DLEU7: variants seen among roughly 807,000 people sequenced by gnomAD.
DLEU7 encodes the protein deleted in lymphocytic leukemia 7, also known as leukemia-associated protein 7.
A neutral mutation model predicts 16.0 loss-of-function variants in DLEU7; 17 were observed. The observed-to-expected ratio is 1.06, with a 90% CI of 0.73 to 1.59. The LOEUF is 1.59. Ranked by LOEUF, DLEU7 falls within the 40% of genes most tolerant of loss-of-function variation. The pLI is 0.00. For missense variants in DLEU7, 308 were observed against 314.9 expected (o/e 0.98, Z 0.17); for synonymous variants, 113 against 139.8 (o/e 0.81, Z 1.35).
At chr13:50,732,858 G>A (rs913932972) in intron 1 of DLEU7, among the ~76,000 whole-genome samples, 6 of 152,010 alleles carry the variant, frequency 3.9e-5, no homozygotes, top group Non-Finnish European at 8.8e-5. Context: ...CTTATGTAAG[G>A]GCCTCTTTCT....
intron 1 of DLEU7, among the ~76,000 whole-genome samples, chr13:50,824,523 T>G (rs1877019930): frequency 6.6e-6 from 1 of 152,166 alleles, no homozygotes; most frequent in Non-Finnish European, 1.5e-5. Flanking sequence ...AGCCAAAAAT[T>G]TTTTAAAGAT....
At chr13:50,775,691 G>A (rs1365144618) in intron 1 of DLEU7, among the ~76,000 whole-genome samples, 1 of 152,104 alleles carries the variant, frequency 6.6e-6, no homozygotes, top group Non-Finnish European at 1.5e-5. Flanking sequence ...TAACTTTAGT[G>A]GAAAAAAACA....
intron 1 of DLEU7, among the ~76,000 whole-genome samples, chr13:50,806,326 C>T (rs766122752): frequency 4.6e-5 from 7 of 151,926 alleles, no homozygotes; most frequent in Non-Finnish European, 7.4e-5. Context: ...TTATTTTCAT[C>T]TTTGGTTGGT....
intron 1 of DLEU7, among the ~76,000 whole-genome samples, chr13:50,835,698 C>T (rs187079546): frequency 9.8e-4 from 150 of 152,338 alleles, no homozygotes; most frequent in Non-Finnish European, 1.5e-3. Context: ...TTCTCTCCTA[C>T]CCACTGTGAG....
intron 1 of DLEU7, among the ~76,000 whole-genome samples, chr13:50,737,659 G>A (rs555348834): frequency 6.6e-6 from 1 of 152,214 alleles, no homozygotes; most frequent in South Asian, 2.1e-4. Flanking sequence ...TCAATGTTGT[G>A]CGTGTTCCGA....
At chr13:50,774,055 G>T (rs1011283518) in intron 1 of DLEU7, among the ~76,000 whole-genome samples, 1 of 152,202 alleles carries the variant, frequency 6.6e-6, no homozygotes, top group Non-Finnish European at 1.5e-5. Flanking sequence ...GGCTCTGTGG[G>T]CATGGAACCC....
chr13:50,755,549 C>CT (rs35222883), intron 1 of DLEU7, among the ~76,000 whole-genome samples: 84,157 of 151,464 alleles, frequency 0.56, 25,330 homozygotes, highest in African/African-American at 0.8. Context: ...GTTTTTATTG[C>CT]TTTTTTTTAT....
intron 1 of DLEU7, among the ~76,000 whole-genome samples, chr13:50,718,890 G>A (rs888931904): frequency 6.6e-6 from 1 of 152,160 alleles, no homozygotes; most frequent in Non-Finnish European, 1.5e-5. Flanking sequence ...GCTAACCTGA[G>A]TGAAATTTCT....
chr13:50,748,785 A>G (rs1198519415), intron 1 of DLEU7, among the ~76,000 whole-genome samples: 1 of 152,182 alleles, frequency 6.6e-6, no homozygotes, highest in East Asian at 1.9e-4. Context: ...AGAGAATTGG[A>G]GAAAAGAGAG....
At chr13:50,750,034 T>TCAGTG (rs1874518841) in intron 1 of DLEU7, among the ~76,000 whole-genome samples, 1 of 152,204 alleles carries the variant, frequency 6.6e-6, no homozygotes, top group Admixed American at 6.5e-5. Context: ...AAGGGTTTTT[T>TCAGTG]CAGTGTTATC....
chr13:50,813,863 A>G (rs1287653527), intron 1 of DLEU7, among the ~76,000 whole-genome samples: 2 of 152,138 alleles, frequency 1.3e-5, no homozygotes, highest in Non-Finnish European at 2.9e-5. Flanking sequence ...CATTGTCACC[A>G]CTACAATATT....
At chr13:50,831,563 G>A (rs1191465407) in intron 1 of DLEU7, among the ~76,000 whole-genome samples, 2 of 152,136 alleles carry the variant, frequency 1.3e-5, no homozygotes, top group African/African-American at 4.8e-5. Context: ...TGTGTGGAAG[G>A]CCTTGAATGT....
intron 1 of DLEU7, among the ~76,000 whole-genome samples, chr13:50,743,823 G>C (rs570715063): frequency 4.6e-5 from 7 of 152,198 alleles, no homozygotes; most frequent in Non-Finnish European, 1.0e-4. Context: ...CACTCTGCTG[G>C]GGTTACAAAA....
chr13:50,773,024 A>G (rs1593390205), intron 1 of DLEU7, among the ~76,000 whole-genome samples: 1 of 152,080 alleles, frequency 6.6e-6, no homozygotes, highest in East Asian at 1.9e-4. Context: ...TTTGTTCTAC[A>G]GTCACTGATA....
chr13:50,814,330 A>C (rs965432366), intron 1 of DLEU7, among the ~76,000 whole-genome samples: 1 of 151,810 alleles, frequency 6.6e-6, no homozygotes, highest in African/African-American at 2.4e-5. Context: ...CCATCCATCC[A>C]TCTATCCATT....
At chr13:50,743,638 G>A (rs918125939) in intron 1 of DLEU7, among the ~76,000 whole-genome samples, 21 of 152,126 alleles carry the variant, frequency 1.4e-4, no homozygotes, top group Admixed American at 1.2e-3. Flanking sequence ...ATTAGACTTC[G>A]AGCAGGAAAT....
At chr13:50,713,893 T>A (rs149021791) in intron 1 of DLEU7, among the ~76,000 whole-genome samples, 1 of 152,264 alleles carries the variant, frequency 6.6e-6, no homozygotes, top group East Asian at 1.9e-4. Context: ...ATTCCGCAGA[T>A]GTGAAAACGA....
At chr13:50,838,467 G>A (rs1294567003) in intron 1 of DLEU7, among the ~76,000 whole-genome samples, 1 of 152,240 alleles carries the variant, frequency 6.6e-6, no homozygotes, top group Non-Finnish European at 1.5e-5. Flanking sequence ...CGGTCCATAT[G>A]TGAATTAGTC....
chr13:50,799,623 G>A (rs1340432776), intron 1 of DLEU7, among the ~76,000 whole-genome samples: 1 of 152,150 alleles, frequency 6.6e-6, no homozygotes, highest in Non-Finnish European at 1.5e-5. Context: ...TGTAGTAGCA[G>A]GTCTCGGGCA....
Sources: allele counts gnomAD v4.1 joint callset (sites outside exome capture counted in the v4.1 genomes callset), GRCh38; gene constraint gnomAD v4.1.1; transcripts MANE v1.5; gene names NCBI Gene and HGNC (gene_info 2026-07-23, HGNC 2026-07-21).